ZNF766: variants seen among roughly 807,000 people sequenced by gnomAD.
ZNF766 encodes zinc finger protein 766.
In ZNF766, 13 loss-of-function variants were observed where a neutral mutation model predicts 13.2. The observed-to-expected ratio is 0.98, with a 90% CI of 0.64 to 1.56. The LOEUF (loss-of-function observed/expected upper bound fraction) is 1.56, where lower values mean the gene tolerates loss of function less well. Ranked by LOEUF, ZNF766 falls within the 40% of genes most tolerant of loss-of-function variation. The pLI is 0.00. For synonymous variants in ZNF766, 178 were observed against 187.6 expected, an observed-to-expected ratio of 0.95 and a Z score of 0.42; for missense variants, 521 against 552.2, an observed-to-expected ratio of 0.94 and a Z score of 0.57.
chr19:52,280,983 C>A (rs1273319316), intron 1 of ZNF766, among the ~76,000 whole-genome samples: 1 of 151,494 alleles, frequency 6.6e-6, no homozygotes, highest in Admixed American at 6.6e-5. Flanking sequence ...TGGAGAAAGG[C>A]CATTTGTACT....
chr19:52,270,827 C>T (rs1239454955), intron 1 of ZNF766, among the ~76,000 whole-genome samples: 1 of 151,798 alleles, frequency 6.6e-6, no homozygotes, highest in Non-Finnish European at 1.5e-5. Context: ...GGAGAAACTG[C>T]GGGAGAGGAG....
chr19:52,290,461 G>A lies in ZNF766; in HGVS notation c.670G>A (p.Val224Ile), dbSNP rs368823771. ...PNRCHECGKTVRDKSGLAEHW... is the reference protein window; with the variant it reads ...PNRCHECGKTIRDKSGLAEHW... ...CAGATGTCATGAATGTGGTAAAACC[G>A]TCAGGGACAAGTCAGGCCTCGCAGA... The change falls in exon 4 of 4, where the codon GTC (valine) becomes ATC (isoleucine). Residue 224 changes from valine to isoleucine, a missense_variant. Val to Ile is a conservative substitution (Grantham distance 29, BLOSUM62 3). Transcript: ENST00000439461. 3.1e-5 allele frequency: 50 copies of A among 1,613,846 alleles called. No individual in the cohort carries two copies. Among genetic ancestry groups the A allele is most frequent in the Non-Finnish European group, 4.0e-5 (47 of 1,179,898 alleles).
intron 2 of ZNF766, 120 bp from the exon 3 acceptor site, chr19:52,283,165 A>T: frequency 7.9e-7 from 1 of 1,272,794 alleles, no homozygotes; most frequent in Non-Finnish European, 1.1e-6. Context: ...TGACTTTTTC[A>T]TGATCGCCAT....
At chr19:52,276,046 C>A (rs114503989) in intron 1 of ZNF766, among the ~76,000 whole-genome samples, 335 of 152,286 alleles carry the variant, frequency 2.2e-3, no homozygotes, top group African/African-American at 7.6e-3. Context: ...TTACAGTTGA[C>A]TATAGTATTC....
At position 52,290,532 on chromosome 19, in the gene ZNF766, G is replaced by A. The variant is rs1982078694; in HGVS notation, c.741G>A (p.Glu247=). 1 of 1,614,018 alleles carries A rather than the reference G, an allele frequency of 6.2e-7. No homozygotes were observed. The highest frequency in any genetic ancestry group is 8.5e-7 in the Non-Finnish European group (1 of 1,179,978). The change falls in exon 4 of 4, where the codon GAG becomes GAA. Residue 247 remains glutamate, a synonymous_variant. Transcript: ENST00000439461. ...GAGAGAAACCTTACAAATGTAAAGA[G>A]TGTGGCAAGCTCTTCAATCGAATTG... is the stretch of plus-strand genomic sequence containing the variant. ...RTGEKPYKCK[E]CGKLFNRIAY...
In ZNF766 at chr19:52,277,866, A is replaced by G. The variant is rs531297049; in HGVS notation, c.19-4245A>G. Among the ~76,000 whole-genome samples the G allele has an allele frequency of 8.5e-5, 13 of 152,140 alleles. No individual in the cohort carries two copies. In the South Asian group the frequency reaches 2.7e-3, roughly 32 times the overall value. On this transcript the variant is annotated intron_variant, in intron 1 of 3. Coordinates refer to ENST00000439461, the MANE Select transcript of ZNF766 (RefSeq NM_001010851.3). ...AGGGGCCACATCTGGATGCTCTGTC[A>G]GCTCTCTGTGGACCAGGATTAGAGA...
In ZNF766 at chr19:52,291,485, G is replaced by T. The variant is rs1388862119; in HGVS notation, c.*287G>T. ...TTATTAAAAATGTAATTGGCTGGGC[G>T]CAGTGGCTCACACCTGTAATCCTAG... is the stretch of plus-strand genomic sequence containing the variant. On this transcript the variant is annotated 3_prime_UTR_variant, in exon 4 of 4. Coordinates refer to ENST00000439461, the MANE Select transcript of ZNF766 (RefSeq NM_001010851.3). 4.1e-5 allele frequency: 12 copies of T among 294,612 alleles called. No individual in the cohort carries two copies. The highest frequency in any genetic ancestry group is 7.6e-5 in the Non-Finnish European group (12 of 158,546). The allele number at this position is 294,612 out of a possible 1,614,324, so 18.2% of individuals were successfully genotyped here. A position where few individuals can be genotyped will look rare whatever the true frequency, so the allele number is the denominator to read the frequency against.
At position 52,291,920 on chromosome 19, in the gene ZNF766, AAAAT is replaced by A; in HGVS notation, c.*725_*728del. ...CAAGGCCCATCCCTACAAAATAAAA[AAAAT>A]AAGCCAGGCCCTTGGCATGTGTCTG... is the stretch of plus-strand genomic sequence containing the variant. On this transcript the variant is annotated 3_prime_UTR_variant, in exon 4 of 4. Transcript: ENST00000439461. 5.9e-6 allele frequency: 3 copies of A among 508,420 alleles called. No individual in the cohort carries two copies. The highest frequency in any genetic ancestry group is 1.0e-5 in the Non-Finnish European group (3 of 287,344). The allele number at this position is 508,420 out of a possible 1,614,324, so 31.5% of individuals were successfully genotyped here.
At chr19:52,277,751 G>A (rs868120416) in intron 1 of ZNF766, among the ~76,000 whole-genome samples, 2 of 151,958 alleles carry the variant, frequency 1.3e-5, no homozygotes, top group East Asian at 1.9e-4. Flanking sequence ...TGCACTGGGC[G>A]TGATCCTGGG....
At chr19:52,273,266 C>T (rs1206283714) in intron 1 of ZNF766, among the ~76,000 whole-genome samples, 1 of 152,154 alleles carries the variant, frequency 6.6e-6, no homozygotes, top group Non-Finnish European at 1.5e-5. Flanking sequence ...CCTTGGCCTC[C>T]CAAAGTGCTG....
At chr19:52,280,417 C>T (rs1981444964) in intron 1 of ZNF766, among the ~76,000 whole-genome samples, 1 of 152,020 alleles carries the variant, frequency 6.6e-6, no homozygotes, top group Admixed American at 6.6e-5. Context: ...CATTGAGAGA[C>T]AACTCCTTAT....
At chr19:52,270,324 A>G (rs1028607735) in intron 1 of ZNF766, among the ~76,000 whole-genome samples, 1 of 152,222 alleles carries the variant, frequency 6.6e-6, no homozygotes, top group African/African-American at 2.4e-5. Context: ...AGGAAGATCC[A>G]TAACAAGACG....
chr19:52,270,356 A>C (rs573293326), intron 1 of ZNF766, among the ~76,000 whole-genome samples: 1 of 152,280 alleles, frequency 6.6e-6, no homozygotes, highest in East Asian at 1.9e-4. Flanking sequence ...GGAGGGTGAG[A>C]GATTTGCAAA....
intron 1 of ZNF766, among the ~76,000 whole-genome samples, chr19:52,276,254 C>T (rs1321565751): frequency 1.3e-5 from 2 of 152,200 alleles, no homozygotes; most frequent in Admixed American, 6.5e-5. Flanking sequence ...CCTCTGCACC[C>T]TCCCATATAC....
chr19:52,269,681 G>T, intron 1 of ZNF766, 50 bp downstream of exon 1: 1 of 1,608,890 alleles, frequency 6.2e-7, no homozygotes. Context: ...GTGCCCTCAC[G>T]CTTCTGTACC....
chr19:52,271,608 C>T lies in ZNF766; in HGVS notation c.18+1977C>T, dbSNP rs549371357. On this transcript the variant is annotated intron_variant, in intron 1 of 3. Transcript: ENST00000439461. ...CTTCCTCTGGCATCACCAATATTTA[C>T]TTCAAGGGATTACTTTGGTTAGTGC... 4.6e-5 allele frequency among the ~76,000 whole-genome samples: 7 copies of T among 152,288 alleles called. No individual in the cohort carries two copies. In the South Asian group the frequency reaches 1.5e-3, roughly 32 times the overall value.
At position 52,290,376 on chromosome 19, in the gene ZNF766, C is replaced by T. The variant is rs776518624; in HGVS notation, c.585C>T (p.Val195=). The change falls in exon 4 of 4, where the codon GTC becomes GTT. Residue 195 remains valine (V), a synonymous_variant. Coordinates refer to ENST00000439461, the MANE Select transcript of ZNF766 (RefSeq NM_001010851.3). ...KPYECNEQGK[V]FRVSSSLPNH... ...ACGAATGTAATGAGCAGGGCAAAGT[C>T]TTCAGAGTGTCTTCAAGCCTTCCTA... 19 of 1,614,044 alleles carry T rather than the reference C, an allele frequency of 1.2e-5. No homozygotes were observed. The highest frequency in any genetic ancestry group is 1.6e-5 in the Non-Finnish European group (19 of 1,180,036).
At position 52,277,467 on chromosome 19, in the gene ZNF766, A is replaced by ACAAAAAAAAAAC. The variant is rs538167691; in HGVS notation, c.19-4636_19-4635insAAACCAAAAAAA. 476 of 1,557,406 alleles carry ACAAAAAAAAAAC rather than the reference A, an allele frequency of 3.1e-4. 1 individual carries two copies. In the African/African-American group the frequency reaches 5.7e-3, roughly 19 times the overall value. On this transcript the variant is annotated intron_variant, in intron 1 of 3. Coordinates refer to ENST00000439461, the MANE Select transcript of ZNF766 (RefSeq NM_001010851.3). ...GAGTGAGACTCCGTCTCAAAAAAAA[A>ACAAAAAAAAAAC]CAAAAAAAGTCATGTTATGTGAAGG...
Position 52,290,205 on chromosome 19 carries a change from G to T in ZNF766, c.414G>T (p.Lys138Asn). 6.2e-7 allele frequency: 1 copy of T among 1,613,970 alleles called. No individual in the cohort carries two copies. Among genetic ancestry groups the T allele is most frequent in the Non-Finnish European group, 8.5e-7 (1 of 1,179,892 alleles). The stretch of plus-strand genomic sequence containing the variant: ...TTTATGAATGTAATCAAGTTCAAAA[G>T]TTCATCAGCCACAGTTCTTCAGTTT... ...GKIYECNQVQ[K>N]FISHSSSVSP... Residue 138 changes from lysine to asparagine, a missense_variant, in exon 4 of 4, where the codon AAG (lysine) becomes AAT (asparagine). Lys to Asn is a moderately conservative substitution (Grantham distance 94, BLOSUM62 0). Transcript: ENST00000439461.
Sources: allele counts gnomAD v4.1 joint callset (sites outside exome capture counted in the v4.1 genomes callset), GRCh38; gene constraint gnomAD v4.1.1; transcripts MANE v1.5; gene names NCBI Gene and HGNC (gene_info 2026-07-23, HGNC 2026-07-21).